Variants in DNAH14 observed in about 807,000 individuals in gnomAD.
DNAH14 encodes axonemal beta dynein heavy chain 14.
Under a neutral mutation model 520.9 loss-of-function variants are expected in DNAH14, and 478 were observed. The ratio of observed to expected loss-of-function variants is 0.92; its 90% CI spans 0.85 to 0.99. The LOEUF (loss-of-function observed/expected upper bound fraction) is 0.99. DNAH14 is among the 50% of genes least tolerant of loss of function. DNAH14 has a pLI of 0.00. For synonymous variants in DNAH14, 1,581 were observed against 1,757.2 expected, an observed-to-expected ratio of 0.90 and a Z score of 2.51; for missense variants, 4,831 against 5,234.5, an observed-to-expected ratio of 0.92 and a Z score of 2.38.
chr1:225,275,627 C>T (rs1272404977), intron 52 of DNAH14, among the ~76,000 whole-genome samples: 1 of 152,176 alleles, frequency 6.6e-6, no homozygotes, highest in African/African-American at 2.4e-5. Context: ...GATCCACAGA[C>T]CCTCAAAGCG....
chr1:225,227,762 C>A (rs941058595), intron 41 of DNAH14, among the ~76,000 whole-genome samples: 1 of 152,102 alleles, frequency 6.6e-6, no homozygotes, highest in Non-Finnish European at 1.5e-5. Context: ...CATCTTAGCA[C>A]CTCCCTTAAC....
intron 28 of DNAH14, among the ~76,000 whole-genome samples, chr1:225,142,334 C>A (rs2079534235): frequency 6.6e-6 from 1 of 152,122 alleles, no homozygotes; most frequent in African/African-American, 2.4e-5. Flanking sequence ...ATAGAGAATT[C>A]ACAAGGGCAC....
At chr1:224,999,698 A>G (rs12565073) in intron 8 of DNAH14, among the ~76,000 whole-genome samples, 8,368 of 151,082 alleles carry the variant, frequency 0.055, 469 homozygotes, top group East Asian at 0.24. Flanking sequence ...TTCCATTTTG[A>G]TTTATCTATA....
At chr1:225,031,962 C>T (rs999709482) in intron 11 of DNAH14, among the ~76,000 whole-genome samples, 1 of 151,816 alleles carries the variant, frequency 6.6e-6, no homozygotes, top group African/African-American at 2.4e-5. Flanking sequence ...AGAGTTCCCT[C>T]GGTTTTTAAT....
chr1:225,141,940 C>T (rs531228559), intron 28 of DNAH14, among the ~76,000 whole-genome samples: 26 of 152,180 alleles, frequency 1.7e-4, no homozygotes, highest in African/African-American at 6.0e-4. Context: ...GCATAAAAGT[C>T]CTTATTTTAG....
rs2095077214 is a variant in DNAH14, at chr1:225,337,271, C to A, written c.10086C>A (p.Ser3362Arg). The change falls in exon 67 of 86, where the codon AGC (serine) becomes AGA (arginine). Residue 3362 changes from serine to arginine, a missense_variant. Coordinates refer to ENST00000682510, the MANE Select transcript of DNAH14 (RefSeq NM_001367479.1). ...TACTAATAATTTCATTGCAGATCAG[C>A]CGATGGCATAATCAGGGACTGCCTC... ...IKVMAQKYEI[S>R]RWHNQGLPHG... 5 of 1,551,248 alleles carry A rather than the reference C, an allele frequency of 3.2e-6. No homozygotes were observed. The highest frequency in any genetic ancestry group is 1.7e-4 in the Middle Eastern group (1 of 5,992).
At chr1:225,052,077 C>T (rs1309881114) in intron 17 of DNAH14, among the ~76,000 whole-genome samples, 1 of 152,100 alleles carries the variant, frequency 6.6e-6, no homozygotes, top group Non-Finnish European at 1.5e-5. Context: ...ATCTTTATGA[C>T]ATATATTACT....
intron 38 of DNAH14, among the ~76,000 whole-genome samples, chr1:225,196,411 T>C (rs1832539): frequency 0.7 from 106,002 of 152,068 alleles, 38,434 homozygotes; most frequent in African/African-American, 0.9. Context: ...ATTATCCACT[T>C]GTTGATTGAT....
intron 7 of DNAH14, among the ~76,000 whole-genome samples, chr1:224,973,522 G>A (rs1365097169): frequency 6.6e-6 from 1 of 152,140 alleles, no homozygotes; most frequent in African/African-American, 2.4e-5. Context: ...AGAAACAGTT[G>A]GCCTGTCTTT....
intron 11 of DNAH14, among the ~76,000 whole-genome samples, chr1:225,038,258 CTTTA>C (rs761377268): frequency 6.6e-6 from 1 of 151,834 alleles, no homozygotes; most frequent in African/African-American, 2.4e-5. Context: ...TTCTTCTGTA[CTTTA>C]TTTATTTATT....
At chr1:225,185,242 T>G in intron 36 of DNAH14, 49 bp from the exon 37 acceptor site, 1 of 1,520,644 alleles carries the variant, frequency 6.6e-7, no homozygotes, top group Non-Finnish European at 8.8e-7. Context: ...TATTGGTTAA[T>G]AAACTTAAAA....
intron 11 of DNAH14, among the ~76,000 whole-genome samples, chr1:225,029,435 C>G (rs986167434): frequency 1.3e-5 from 2 of 152,070 alleles, no homozygotes; most frequent in African/African-American, 4.8e-5. Flanking sequence ...ATAAATTATA[C>G]CTCAATAAAC....
At chr1:225,281,333 A>G (rs1468918150) in intron 54 of DNAH14, among the ~76,000 whole-genome samples, 1 of 151,614 alleles carries the variant, frequency 6.6e-6, no homozygotes, top group Non-Finnish European at 1.5e-5. Flanking sequence ...ACCCTTCATC[A>G]GTCATAACAT....
intron 71 of DNAH14, among the ~76,000 whole-genome samples, chr1:225,351,370 G>C (rs969446523): frequency 3.3e-5 from 5 of 152,098 alleles, no homozygotes; most frequent in African/African-American, 1.2e-4. Context: ...CATCCTGGGT[G>C]ACAGAATGAG....
intron 17 of DNAH14, among the ~76,000 whole-genome samples, chr1:225,057,528 C>T (rs1324734893): frequency 2.0e-5 from 3 of 152,256 alleles, no homozygotes; most frequent in East Asian, 1.9e-4. Context: ...ATTTCCTTCT[C>T]TTGCCTGACT....
rs772902375 is a variant in DNAH14 at position 225,272,103 on chromosome 1, T to A, written c.7839+30T>A. On this transcript the variant is annotated intron_variant, in intron 51 of 85. Coordinates refer to ENST00000682510, the MANE Select transcript of DNAH14 (RefSeq NM_001367479.1). ...GTTTTAATGTTCATTCTCTAGTTTA[T>A]TTTTTAAATATAAGTTGCTCTCTCT... 12 of 1,524,086 alleles carry A rather than the reference T, an allele frequency of 7.9e-6. No individual in the cohort carries two copies. The South Asian group carries it at 1.5e-4, about 19-fold the overall frequency. The allele number at this position is 1,524,086 out of a possible 1,614,324, so 94.4% of individuals were successfully genotyped here. A position where few individuals can be genotyped will look rare whatever the true frequency, so the allele number is the denominator to read the frequency against.
intron 54 of DNAH14, among the ~76,000 whole-genome samples, chr1:225,286,813 C>T (rs1206650854): frequency 2.0e-5 from 3 of 152,140 alleles, no homozygotes; most frequent in Non-Finnish European, 4.4e-5. Flanking sequence ...TCACCAAAAA[C>T]TGGAAGCAAC....
At chr1:224,998,646 AGTT>A (rs150953013) in intron 8 of DNAH14, among the ~76,000 whole-genome samples, 5,546 of 151,372 alleles carry the variant, frequency 0.037, 127 homozygotes, top group Middle Eastern at 0.058. Flanking sequence ...AAATGTGTTG[AGTT>A]GTTGTTGTTG....
intron 11 of DNAH14, among the ~76,000 whole-genome samples, chr1:225,029,500 T>C (rs1040545244): frequency 6.6e-6 from 1 of 151,986 alleles, no homozygotes; most frequent in Non-Finnish European, 1.5e-5. Context: ...GTCAGATACT[T>C]TGTTAGATCC....
Sources: gnomAD v4.1 joint callset for allele counts (sites outside exome capture counted in the v4.1 genomes callset) on GRCh38, gnomAD v4.1.1 for gene constraint, MANE v1.5 for transcripts, NCBI Gene and HGNC (gene_info 2026-07-23, HGNC 2026-07-21) for gene names.